The following TNFAIP8 variants were observed in gnomAD, a reference collection of about 807,000 sequenced individuals.
TNFAIP8 encodes tumor necrosis factor alpha-induced protein 8.
A neutral mutation model predicts 13.3 loss-of-function variants in TNFAIP8; 7 were observed. That is an observed-to-expected ratio of 0.52 (90% CI 0.30 to 0.99). The LOEUF is 0.99. Among genes scored for constraint, TNFAIP8 ranks in the 50% least tolerant of loss-of-function variants. TNFAIP8 has a pLI of 0.07. For synonymous variants in TNFAIP8, 94 were observed against 87.6 expected, an observed-to-expected ratio of 1.07 and a Z score of -0.41; for missense variants, 258 against 236.9, an observed-to-expected ratio of 1.09 and a Z score of -0.58.
chr5:119,391,018 A>G (rs890421860), intron 1 of TNFAIP8, among the ~76,000 whole-genome samples: 4 of 147,166 alleles, frequency 2.7e-5, no homozygotes, highest in East Asian at 2.0e-4. Flanking sequence ...TTTTGTTGCA[A>G]TGGGGTTTTG....
intron 1 of TNFAIP8, among the ~76,000 whole-genome samples, chr5:119,382,330 A>G (rs1250263690): frequency 2.0e-5 from 3 of 152,164 alleles, no homozygotes; most frequent in African/African-American, 7.2e-5. Flanking sequence ...GTACTCATCT[A>G]TCCCCGGACC....
At chr5:119,312,704 AC>A (rs1477179783) in intron 1 of TNFAIP8, among the ~76,000 whole-genome samples, 3 of 144,944 alleles carry the variant, frequency 2.1e-5, no homozygotes, top group Non-Finnish European at 4.5e-5. Flanking sequence ...GTTCGAGACT[AC>A]CCTGAGCAAT....
chr5:119,269,434 ATGTGTGTG>A (rs113644241), intron 1 of TNFAIP8, among the ~76,000 whole-genome samples: 28 of 151,348 alleles, frequency 1.9e-4, no homozygotes, highest in Non-Finnish European at 2.8e-4. Context: ...GAGGAAGAAA[ATGTGTGTG>A]TGTGTGTGTA....
In TNFAIP8 at chr5:119,393,332, A is replaced by G. The variant is rs1752973353; in HGVS notation, c.548A>G (p.Gln183Arg). The stretch of plus-strand genomic sequence containing the variant: ...TTTGGGAATTTTAAACCCCACTTAC[A>G]AAAACTATGTGATGGTATCAACAAA... ...NPFGNFKPHL[Q>R]KLCDGINKML... The change falls in exon 2 of 2, where the codon CAA becomes CGA. Residue 183 changes from glutamine (Q) to arginine (R), a missense_variant. Transcript: ENST00000504771. 3 of 1,613,904 alleles carry G rather than the reference A, an allele frequency of 1.9e-6. No homozygotes were observed. The highest frequency in any genetic ancestry group is 1.3e-5 in the African/African-American group (1 of 74,948).
intron 1 of TNFAIP8, among the ~76,000 whole-genome samples, chr5:119,273,426 A>G (rs1434778435): frequency 6.6e-6 from 1 of 151,610 alleles, no homozygotes; most frequent in Non-Finnish European, 1.5e-5. Flanking sequence ...AGCCCAGAGA[A>G]TGGGGTGAAT....
chr5:119,322,353 C>A (rs62375110), intron 1 of TNFAIP8, among the ~76,000 whole-genome samples: 1 of 151,878 alleles, frequency 6.6e-6, no homozygotes, highest in Non-Finnish European at 1.5e-5. Context: ...AGGAGTGGTC[C>A]CAGGACCTTG....
intron 1 of TNFAIP8, among the ~76,000 whole-genome samples, chr5:119,331,777 T>G (rs1750388052): frequency 1.3e-5 from 2 of 152,114 alleles, no homozygotes; most frequent in Non-Finnish European, 2.9e-5. Flanking sequence ...GAAAGAGTGG[T>G]TCCTAGTGAC....
intron 1 of TNFAIP8, among the ~76,000 whole-genome samples, chr5:119,360,400 A>T: frequency 6.6e-6 from 1 of 152,232 alleles, no homozygotes; most frequent in Non-Finnish European, 1.5e-5. Flanking sequence ...GTCTTCATTT[A>T]GAGAAGATTG....
chr5:119,395,811 G>C lies in TNFAIP8; in HGVS notation c.*2430G>C, dbSNP rs925006423. 1.3e-5 allele frequency: 2 copies of C among 152,178 alleles called. No homozygotes were observed. The highest frequency in any genetic ancestry group is 4.8e-5 in the African/African-American group (2 of 41,450). 9.4% of individuals were successfully genotyped at this position (152,178 alleles called of 1,614,324 possible). A position where few individuals can be genotyped will look rare whatever the true frequency, so the allele number is the denominator to read the frequency against. On this transcript the variant is annotated 3_prime_UTR_variant, in exon 2 of 2. Transcript: ENST00000504771. ...GAAGAATCCCCACGTGCTTAGGGTA[G>C]ATAAATCTGAGCCGAGTTAATACTA... is the stretch of plus-strand genomic sequence containing the variant.
intron 1 of TNFAIP8, among the ~76,000 whole-genome samples, chr5:119,372,720 G>A (rs1259203565): frequency 6.6e-6 from 1 of 152,170 alleles, no homozygotes; most frequent in Non-Finnish European, 1.5e-5. Context: ...AGCACTTTGG[G>A]AAGCCGAGGC....
intron 1 of TNFAIP8, among the ~76,000 whole-genome samples, chr5:119,292,957 A>C (rs572964349): frequency 2.0e-4 from 31 of 151,578 alleles, no homozygotes; most frequent in African/African-American, 7.3e-4. Flanking sequence ...TCTTTTTTTT[A>C]AAAAAATAGT....
intron 1 of TNFAIP8, among the ~76,000 whole-genome samples, chr5:119,288,492 C>G (rs990780861): frequency 2.6e-5 from 4 of 152,154 alleles, no homozygotes; most frequent in Non-Finnish European, 5.9e-5. Context: ...TCTTGAGCCA[C>G]TGGAAAAAAG....
rs531400187 is a variant in TNFAIP8, at chr5:119,324,422, G to C, written c.1+55515G>C. The stretch of plus-strand genomic sequence containing the variant: ...CAGAACTCCTATCTTTAACTTCTTC[G>C]TGCATGGATCAGAGGGGCCTCCAGT... On this transcript the variant is annotated intron_variant, in intron 1 of 1. Coordinates refer to the TNFAIP8 transcript ENST00000274456. Among the ~76,000 whole-genome samples, 9 of 151,002 alleles carry C rather than the reference G, an allele frequency of 6.0e-5. No homozygotes were observed. The East Asian group carries it at 1.8e-3, about 30-fold the overall frequency.
intron 1 of TNFAIP8, among the ~76,000 whole-genome samples, chr5:119,332,373 A>G (rs1268665664): frequency 6.6e-6 from 1 of 152,082 alleles, no homozygotes; most frequent in African/African-American, 2.4e-5. Context: ...CAGGGGTGTT[A>G]AATAACTTGC....
At chr5:119,368,697 G>C (rs1206639218) in intron 1 of TNFAIP8, among the ~76,000 whole-genome samples, 1 of 152,152 alleles carries the variant, frequency 6.6e-6, no homozygotes, top group Non-Finnish European at 1.5e-5. Context: ...TTTTAGTTTG[G>C]GGTAAGGTAA....
chr5:119,386,854 T>C (rs1752694686), intron 1 of TNFAIP8, among the ~76,000 whole-genome samples: 2 of 152,184 alleles, frequency 1.3e-5, no homozygotes, highest in Non-Finnish European at 2.9e-5. Context: ...TTGTCTTCTC[T>C]CTCTAGTTGA....
chr5:119,334,143 A>AAAAAAAAC (rs1554171852), intron 1 of TNFAIP8, among the ~76,000 whole-genome samples: 3 of 151,820 alleles, frequency 2.0e-5, no homozygotes, highest in African/African-American at 7.3e-5. Flanking sequence ...AACAACCAAA[A>AAAAAAAAC]AAAAAAAAAA....
At position 119,393,120 on chromosome 5, in the gene TNFAIP8, C is replaced by T. The variant is rs774431756; in HGVS notation, c.336C>T (p.Thr112=). The change falls in exon 2 of 2, where the codon ACC becomes ACT. Residue 112 remains threonine (T), a synonymous_variant. Transcript: ENST00000504771. ...FKKKVHQLAM[T]VVSFHQVDYT... ...AGAAAGTTCATCAGCTTGCTATGAC[C>T]GTGGTCAGTTTCCATCAGGTGGATT... 5.6e-6 allele frequency: 9 copies of T among 1,613,804 alleles called. No individual in the cohort carries two copies. Among genetic ancestry groups the T allele is most frequent in the African/African-American group, 2.7e-5 (2 of 74,922 alleles).
intron 1 of TNFAIP8, among the ~76,000 whole-genome samples, chr5:119,309,958 A>G (rs970470301): frequency 9.9e-5 from 15 of 152,242 alleles, no homozygotes; most frequent in African/African-American, 3.6e-4. Context: ...AAATAAAACC[A>G]GACACACAGG....
Sources: gnomAD v4.1 joint callset for allele counts (sites outside exome capture counted in the v4.1 genomes callset) on GRCh38, gnomAD v4.1.1 for gene constraint, MANE v1.5 for transcripts, NCBI Gene and HGNC (gene_info 2026-07-23, HGNC 2026-07-21) for gene names.